Variants in CDH18 observed in about 807,000 individuals in gnomAD.
CDH18 encodes the protein cadherin 18, also known as cadherin-18.
In CDH18, 31 loss-of-function variants were observed where a neutral mutation model predicts 67.9. That is an observed-to-expected ratio of 0.46 (90% CI 0.34 to 0.62). The LOEUF is 0.62. Ranked by LOEUF, CDH18 falls within the 20% of genes least tolerant of loss-of-function variation. The pLI is 0.01. For missense variants in CDH18, 890 were observed against 975.5 expected, an observed-to-expected ratio of 0.91 and a Z score of 1.17; for synonymous variants, 362 against 347.2, an observed-to-expected ratio of 1.04 and a Z score of -0.48.
At chr5:20,329,347 A>G (rs1738935968) in intron 1 of CDH18, among the ~76,000 whole-genome samples, 1 of 152,202 alleles carries the variant, frequency 6.6e-6, no homozygotes, top group African/African-American at 2.4e-5. Context: ...TCAATTTATG[A>G]AAGTTTCTGT....
intron 2 of CDH18, among the ~76,000 whole-genome samples, chr5:20,237,756 ACAATTC>A (rs1370041423): frequency 1.6e-4 from 24 of 152,048 alleles, no homozygotes; most frequent in African/African-American, 5.1e-4. Flanking sequence ...CAGATGCAAC[ACAATTC>A]CAATTGAAAT....
chr5:19,677,349 G>A lies in CDH18; in HGVS notation c.643+43998C>T, dbSNP rs569034324. Among the ~76,000 whole-genome samples the A allele has an allele frequency of 5.9e-5, 9 of 152,118 alleles. No individual in the cohort carries two copies. In the East Asian group the frequency reaches 1.7e-3, roughly 29 times the overall value. ...AAGAAATAAGATCCATTTCAAAGAAGCAAATGCTAACGGAATTCATTACCA... is the reference window on the plus strand; with the variant it reads ...AAGAAATAAGATCCATTTCAAAGAAACAAATGCTAACGGAATTCATTACCA... On this transcript the variant is annotated intron_variant, in intron 5 of 12. Transcript: ENST00000382275.
At chr5:19,732,823 T>C (rs951386011) in intron 4 of CDH18, among the ~76,000 whole-genome samples, 2 of 152,198 alleles carry the variant, frequency 1.3e-5, no homozygotes, top group Admixed American at 6.5e-5. Flanking sequence ...AACTGTTTTT[T>C]GTGTGAGAAG....
intron 2 of CDH18, among the ~76,000 whole-genome samples, chr5:20,191,261 G>A (rs376356674): frequency 6.6e-6 from 1 of 152,024 alleles, no homozygotes; most frequent in Non-Finnish European, 1.5e-5. Context: ...AACCATTGAT[G>A]GTGGAAAATG....
intron 8 of CDH18, among the ~76,000 whole-genome samples, chr5:19,560,345 C>A (rs918859873): frequency 6.6e-6 from 1 of 151,932 alleles, no homozygotes; most frequent in Admixed American, 6.6e-5. Context: ...AAATAGATAA[C>A]CCAGAAATAA....
intron 2 of CDH18, among the ~76,000 whole-genome samples, chr5:19,869,446 A>C (rs931703182): frequency 1.3e-5 from 2 of 152,122 alleles, no homozygotes; most frequent in African/African-American, 4.8e-5. Context: ...TGATCCCCTA[A>C]AATGAACATA....
At chr5:20,054,039 C>T (rs1453008515) in intron 2 of CDH18, among the ~76,000 whole-genome samples, 1 of 152,084 alleles carries the variant, frequency 6.6e-6, no homozygotes, top group Non-Finnish European at 1.5e-5. Flanking sequence ...TGGGACATAT[C>T]AATAAATCTT....
chr5:19,639,095 T>C (rs1331074418), intron 5 of CDH18, among the ~76,000 whole-genome samples: 1 of 147,618 alleles, frequency 6.8e-6, no homozygotes, highest in Non-Finnish European at 1.5e-5. Context: ...CTCCGCCTCC[T>C]GGGCTCACGC....
Position 20,561,138 on chromosome 5 carries a change from C to CT in CDH18, c.-580+14323dup, listed in dbSNP as rs538256948. Among the ~76,000 whole-genome samples, 80 of 152,154 alleles carry CT rather than the reference C, an allele frequency of 5.3e-4. No homozygotes were observed. The South Asian group carries it at 0.013, about 26-fold the overall frequency. ...TGGCAAGGATATGAAGCAACAGGAA[C>CT]TTACATGTTTTGCTAGTGGGGAAGA... On this transcript the variant is annotated intron_variant, in intron 1 of 14. Coordinates refer to the CDH18 transcript ENST00000507958.
At position 19,694,561 on chromosome 5, in the gene CDH18, T is replaced by C. The variant is rs149020430; in HGVS notation, c.643+26786A>G. Among the ~76,000 whole-genome samples the C allele has an allele frequency of 6.8e-3, 1,041 of 152,260 alleles. 4 individuals are homozygous for C. The highest frequency in any genetic ancestry group is 0.011 in the Non-Finnish European group (741 of 68,020). ...CAATAATAACAGATATTTAATATTTTTGAGTTCATGTACATATTCACCAGT... is the reference window on the plus strand; with the variant it reads ...CAATAATAACAGATATTTAATATTTCTGAGTTCATGTACATATTCACCAGT... On this transcript the variant is annotated intron_variant, in intron 5 of 12. Coordinates refer to ENST00000382275, the MANE Select transcript of CDH18 (RefSeq NM_004934.5).
At chr5:19,691,045 TCTAA>T (rs1362620734) in intron 5 of CDH18, among the ~76,000 whole-genome samples, 1 of 151,810 alleles carries the variant, frequency 6.6e-6, no homozygotes, top group Non-Finnish European at 1.5e-5. Context: ...ACAAATTGAA[TCTAA>T]CAGTGCATTA....
At chr5:20,549,680 C>T (rs908437940) in intron 1 of CDH18, among the ~76,000 whole-genome samples, 2 of 152,032 alleles carry the variant, frequency 1.3e-5, no homozygotes, top group South Asian at 2.1e-4. Context: ...GGAAGGGTCA[C>T]GAGGCAAGAT....
chr5:20,427,764 A>G (rs1281973842), intron 1 of CDH18, among the ~76,000 whole-genome samples: 1 of 151,206 alleles, frequency 6.6e-6, no homozygotes, highest in Non-Finnish European at 1.5e-5. Flanking sequence ...AAGGAAAATA[A>G]TACTAGAAAT....
chr5:19,904,300 AGAAAAGAAAAAAC>A (rs1790288414), intron 2 of CDH18, among the ~76,000 whole-genome samples: 1 of 148,510 alleles, frequency 6.7e-6, no homozygotes, highest in African/African-American at 2.5e-5. Context: ...AAAGAAAAAA[AGAAAAGAAAAAAC>A]GAAAAGAAAA....
chr5:20,349,855 GA>G (rs1561994293), intron 1 of CDH18, among the ~76,000 whole-genome samples: 1 of 152,066 alleles, frequency 6.6e-6, no homozygotes, highest in African/African-American at 2.4e-5. Context: ...TAAGATAAAC[GA>G]GCTGGAGCCA....
At chr5:19,767,299 G>A (rs939752536) in intron 3 of CDH18, among the ~76,000 whole-genome samples, 3 of 151,732 alleles carry the variant, frequency 2.0e-5, no homozygotes, top group Admixed American at 6.6e-5. Context: ...TATGACAAAC[G>A]TAGAAAAAAT....
At chr5:19,998,756 G>T (rs372775443) in intron 2 of CDH18, among the ~76,000 whole-genome samples, 113 of 152,134 alleles carry the variant, frequency 7.4e-4, no homozygotes, top group African/African-American at 2.6e-3. Context: ...CGAGTTTAGG[G>T]TCACAAAATT....
chr5:20,539,066 T>A (rs1208427178), intron 1 of CDH18, among the ~76,000 whole-genome samples: 4 of 151,952 alleles, frequency 2.6e-5, no homozygotes, highest in Non-Finnish European at 5.9e-5. Flanking sequence ...TTTTTGTATT[T>A]TTAGTAGAGA....
chr5:20,339,213 C>A (rs1740041153), intron 1 of CDH18, among the ~76,000 whole-genome samples: 4 of 152,108 alleles, frequency 2.6e-5, no homozygotes, highest in Admixed American at 2.0e-4. Context: ...ACTCCTTTGA[C>A]CCTCAGACTC....
Sources: gnomAD v4.1 joint callset for allele counts (sites outside exome capture counted in the v4.1 genomes callset) on GRCh38, gnomAD v4.1.1 for gene constraint, MANE v1.5 for transcripts, NCBI Gene and HGNC (gene_info 2026-07-23, HGNC 2026-07-21) for gene names.